Variants in BAZ1B observed in about 807,000 individuals in gnomAD.
BAZ1B encodes the protein tyrosine-protein kinase BAZ1B.
Under a neutral mutation model 153.8 loss-of-function variants are expected in BAZ1B, and 22 were observed. That is an observed-to-expected ratio of 0.14 (90% CI 0.10 to 0.20). BAZ1B has a LOEUF of 0.20. Among genes scored for constraint, BAZ1B ranks in the 10% least tolerant of loss-of-function variants. The pLI is 1.00. For missense variants in BAZ1B, 1,325 were observed against 1,799.3 expected, an observed-to-expected ratio of 0.74 and a Z score of 4.77; for synonymous variants, 676 against 633.4, an observed-to-expected ratio of 1.07 and a Z score of -1.01.
intron 3 of BAZ1B, among the ~76,000 whole-genome samples, chr7:73,500,091 G>T (rs782695261): frequency 1.3e-5 from 2 of 152,100 alleles, no homozygotes; most frequent in Non-Finnish European, 2.9e-5. Flanking sequence ...TGGGACTACA[G>T]GCACACACCA....
At chr7:73,461,813 G>A (rs1300812533) in intron 12 of BAZ1B, among the ~76,000 whole-genome samples, 5 of 152,194 alleles carry the variant, frequency 3.3e-5, no homozygotes, top group Non-Finnish European at 7.3e-5. Flanking sequence ...ATGTTGGCTG[G>A]GTGAGGTGGC....
intron 5 of BAZ1B, among the ~76,000 whole-genome samples, chr7:73,491,997 T>A (rs890049144): frequency 2.7e-5 from 4 of 149,384 alleles, no homozygotes; most frequent in Non-Finnish European, 4.5e-5. Context: ...TTTTTTTTTT[T>A]TTTTTTTTTT....
intron 7 of BAZ1B, among the ~76,000 whole-genome samples, chr7:73,475,543 G>T (rs1188156350): frequency 6.6e-6 from 1 of 152,222 alleles, no homozygotes; most frequent in Non-Finnish European, 1.5e-5. Flanking sequence ...GCAGAGAACA[G>T]ATTGGTGGTT....
At chr7:73,499,152 G>A (rs1554576776) in intron 3 of BAZ1B, among the ~76,000 whole-genome samples, 3 of 151,762 alleles carry the variant, frequency 2.0e-5, no homozygotes, top group Non-Finnish European at 2.9e-5. Flanking sequence ...CTCAGCCTCC[G>A]GAGTAGCTGG....
chr7:73,451,503 A>G (rs1450374381), intron 13 of BAZ1B, among the ~76,000 whole-genome samples: 1 of 152,206 alleles, frequency 6.6e-6, no homozygotes, highest in Non-Finnish European at 1.5e-5. Context: ...AAGATAGTTG[A>G]TTCTGTTCCG....
intron 7 of BAZ1B, among the ~76,000 whole-genome samples, chr7:73,470,849 C>A (rs1462720452): frequency 1.3e-5 from 2 of 152,200 alleles, no homozygotes; most frequent in Non-Finnish European, 2.9e-5. Context: ...AATTCTCCCG[C>A]CTCAGCCTCC....
chr7:73,476,030 A>G (rs1222414765), intron 7 of BAZ1B, among the ~76,000 whole-genome samples: 2 of 152,058 alleles, frequency 1.3e-5, no homozygotes, highest in African/African-American at 2.4e-5. Flanking sequence ...ATGTTGTAGC[A>G]TGTAAAACAT....
At chr7:73,499,728 G>A (rs2116415148) in intron 3 of BAZ1B, among the ~76,000 whole-genome samples, 1 of 152,316 alleles carries the variant, frequency 6.6e-6, no homozygotes, top group South Asian at 2.1e-4. Flanking sequence ...GCGAACCACT[G>A]CTATGTCCTC....
At chr7:73,464,767 C>A (rs115567026) in intron 11 of BAZ1B, among the ~76,000 whole-genome samples, 66 of 152,236 alleles carry the variant, frequency 4.3e-4, no homozygotes, top group African/African-American at 1.6e-3. Flanking sequence ...GCTCTCTCAC[C>A]CAGGCCAGAG....
chr7:73,512,037 A>C (rs1554578678), intron 1 of BAZ1B, among the ~76,000 whole-genome samples: 3 of 133,504 alleles, frequency 2.2e-5, no homozygotes, highest in Non-Finnish European at 5.1e-5. Context: ...TCAAAAAAAA[A>C]AAAAAAAAAA....
At chr7:73,470,571 T>C in intron 7 of BAZ1B, 88 bp from the exon 8 acceptor site, 1 of 1,404,990 alleles carries the variant, frequency 7.1e-7, no homozygotes, top group East Asian at 2.3e-5. Flanking sequence ...AAAAAGTGCC[T>C]AGTATACAGT....
chr7:73,473,459 C>G (rs1028919862), intron 7 of BAZ1B, among the ~76,000 whole-genome samples: 1 of 152,090 alleles, frequency 6.6e-6, no homozygotes, highest in Non-Finnish European at 1.5e-5. Flanking sequence ...GAGGCTGAGG[C>G]ACGAGAATAG....
chr7:73,447,243 A>T, intron 16 of BAZ1B, 21 bp downstream of exon 16: 1 of 1,613,238 alleles, frequency 6.2e-7, no homozygotes, highest in Non-Finnish European at 8.5e-7. Context: ...AATCAACTAC[A>T]AAGGCAGACA....
In BAZ1B at chr7:73,476,971, T is replaced by C. The variant is rs1789023336; in HGVS notation, c.2490A>G (p.Gln830=). The C allele has an allele frequency of 3.1e-6, 5 of 1,614,242 alleles. No individual in the cohort carries two copies. The highest frequency in any genetic ancestry group is 4.2e-6 in the Non-Finnish European group (5 of 1,180,046). ...RKKEIVKFEP[Q]VDTEAEDMIS... ...TCATGTCTTCAGCTTCTGTATCTAC[T>C]TGGGGCTCAAACTTCACAATTTCTT... is the stretch of plus-strand genomic sequence containing the variant. The change falls in exon 7 of 20, where the codon CAA becomes CAG. Residue 830 remains glutamine, a synonymous_variant. Transcript: ENST00000339594.
At chr7:73,500,661 T>A (rs1233487026) in intron 3 of BAZ1B, among the ~76,000 whole-genome samples, 1 of 147,684 alleles carries the variant, frequency 6.8e-6, no homozygotes, top group African/African-American at 2.5e-5. Flanking sequence ...GAGGCTGAAG[T>A]GGGTGGGTCA....
In BAZ1B at chr7:73,469,567, T is replaced by C. The variant is rs782335030; in HGVS notation, c.2816A>G (p.His939Arg). 2 of 1,614,214 alleles carry C rather than the reference T, an allele frequency of 1.2e-6. No homozygotes were observed. The highest frequency in any genetic ancestry group is 2.2e-5 in the South Asian group (2 of 91,088). Residue 939 changes from histidine (H) to arginine (R), a missense_variant, in exon 9 of 20, where the codon CAT becomes CGT. Around this residue, in one of 9 missense-constraint regions of BAZ1B, gnomAD observed 431 missense variants for 563.5 expected, o/e 0.76. Coordinates refer to ENST00000339594, the MANE Select transcript of BAZ1B (RefSeq NM_032408.4). ...VHDSIDYRFN[H>R]HCKDHTVSGD... Reference sequence around the variant, plus strand: ...AGAGACTGTGTGGTCTTTGCAGTGATGGTTGAATCGGTAGTCAATGCTGTC... The same window carrying C: ...AGAGACTGTGTGGTCTTTGCAGTGACGGTTGAATCGGTAGTCAATGCTGTC...
intron 1 of BAZ1B, among the ~76,000 whole-genome samples, chr7:73,519,475 C>T (rs1790942419): frequency 6.6e-6 from 1 of 152,076 alleles, no homozygotes; most frequent in Non-Finnish European, 1.5e-5. Context: ...AGCAATTTCC[C>T]CCCAATATAT....
intron 11 of BAZ1B, among the ~76,000 whole-genome samples, chr7:73,464,607 G>C (rs1788511761): frequency 6.6e-6 from 1 of 152,102 alleles, no homozygotes; most frequent in African/African-American, 2.4e-5. Flanking sequence ...TTTGATGTCT[G>C]ACTTCTTTTG....
intron 13 of BAZ1B, among the ~76,000 whole-genome samples, chr7:73,452,198 A>G (rs782790310): frequency 4.6e-5 from 7 of 152,344 alleles, no homozygotes; most frequent in Non-Finnish European, 8.8e-5. Context: ...AATAATAGGT[A>G]GCCCTTGTAA....
Sources: gnomAD v4.1 joint callset for allele counts (sites outside exome capture counted in the v4.1 genomes callset) on GRCh38, gnomAD v4.1.1 for gene constraint, gnomAD v4.1.1 regional missense constraint, MANE v1.5 for transcripts, NCBI Gene and HGNC (gene_info 2026-07-23, HGNC 2026-07-21) for gene names.